The following CCDC85C variants were observed in gnomAD, a reference collection of about 807,000 sequenced individuals.
The protein encoded by CCDC85C is coiled-coil domain-containing protein 85C.
CCDC85C carries 18 observed loss-of-function variants against 38.3 expected under a neutral mutation model. The ratio of observed to expected loss-of-function variants is 0.47; its 90% CI spans 0.33 to 0.70. The LOEUF is 0.70. Among genes scored for constraint, CCDC85C ranks in the 30% least tolerant of loss-of-function variants. The pLI is 0.03. For synonymous variants in CCDC85C, 264 were observed against 293.8 expected (o/e 0.90, Z 1.04); for missense variants, 566 against 621.2 (o/e 0.91, Z 0.94).
At chr14:99,540,287 C>T (rs1472118191) in intron 1 of CCDC85C, among the ~76,000 whole-genome samples, 1 of 152,188 alleles carries the variant, frequency 6.6e-6, no homozygotes, top group East Asian at 1.9e-4. Flanking sequence ...CTCCAGGCTG[C>T]CAGGAGCCAG....
At position 99,603,977 on chromosome 14, in the gene CCDC85C, G is replaced by A; in HGVS notation, c.-18C>T. 3 of 1,309,954 alleles carry A rather than the reference G, an allele frequency of 2.3e-6. No homozygotes were observed. The highest frequency in any genetic ancestry group is 6.4e-5 in the East Asian group (2 of 31,436). The allele number at this position is 1,309,954 out of a possible 1,614,324, so 81.1% of individuals were successfully genotyped here. A position where few individuals can be genotyped will look rare whatever the true frequency, so the allele number is the denominator to read the frequency against. On this transcript the variant is annotated 5_prime_UTR_variant, in exon 1 of 6. Transcript: ENST00000380243. The surrounding 1 kb of genome is among the most constrained non-coding windows in gnomAD (Gnocchi z 7.5). ...TTAGCCATGGCGGGGCCGTCACCGC[G>A]GCATCGCCCTCGCCCTCGCCCGGCC... is the stretch of plus-strand genomic sequence containing the variant.
At chr14:99,515,912 G>A (rs2139895346) in intron 5 of CCDC85C, among the ~76,000 whole-genome samples, 1 of 152,170 alleles carries the variant, frequency 6.6e-6, no homozygotes, top group East Asian at 1.9e-4. Context: ...GGGGGTGGGG[G>A]GCTCAAGCTC....
At chr14:99,597,885 A>G (rs2055159587) in intron 1 of CCDC85C, among the ~76,000 whole-genome samples, 1 of 152,232 alleles carries the variant, frequency 6.6e-6, no homozygotes, top group South Asian at 2.1e-4. Context: ...GCCAGGAAAT[A>G]ATGAAAGGAC....
chr14:99,502,703 G>A lies in CCDC85C; in HGVS notation c.*12543C>T. 1 of 1,608,612 alleles carries A rather than the reference G, an allele frequency of 6.2e-7. No homozygotes were observed. The highest frequency in any genetic ancestry group is 1.1e-5 in the South Asian group (1 of 90,870). ...ATACCAATTTGTGTAAAATGTAATT[G>A]TTGGCTATCATTTAGACATCTGCCA... On this transcript the variant is annotated 3_prime_UTR_variant, in exon 6 of 6. Coordinates refer to ENST00000380243, the MANE Select transcript of CCDC85C (RefSeq NM_001144995.2).
intron 1 of CCDC85C, among the ~76,000 whole-genome samples, chr14:99,559,168 T>C (rs913675089): frequency 1.3e-5 from 2 of 151,914 alleles, no homozygotes; most frequent in Non-Finnish European, 2.9e-5. Flanking sequence ...AATTACCCAA[T>C]CTTAGGTATT....
intron 3 of CCDC85C, among the ~76,000 whole-genome samples, chr14:99,519,567 A>G (rs911108061): frequency 6.6e-6 from 1 of 152,166 alleles, no homozygotes; most frequent in Non-Finnish European, 1.5e-5. Context: ...TGTGCACCAG[A>G]GAGAACTGAA....
At chr14:99,546,096 C>T (rs924726990) in intron 1 of CCDC85C, among the ~76,000 whole-genome samples, 7 of 151,884 alleles carry the variant, frequency 4.6e-5, no homozygotes, top group Admixed American at 2.0e-4. Flanking sequence ...AGCCCTAGAA[C>T]GCAGGTGCCA....
intron 1 of CCDC85C, chr14:99,573,018 A>G: frequency 2.8e-6 from 1 of 357,234 alleles, no homozygotes; most frequent in Non-Finnish European, 5.5e-6. Context: ...AGGAGACGCC[A>G]CACATAAAGG....
At chr14:99,529,405 G>C (rs1385555366) in intron 2 of CCDC85C, among the ~76,000 whole-genome samples, 1 of 151,896 alleles carries the variant, frequency 6.6e-6, no homozygotes, top group Non-Finnish European at 1.5e-5. Context: ...TTTTTGTTTT[G>C]TTTTATTTTG....
At chr14:99,562,762 T>A (rs201576293) in intron 1 of CCDC85C, among the ~76,000 whole-genome samples, 2 of 30,170 alleles carry the variant, frequency 6.6e-5, no homozygotes, top group African/African-American at 5.6e-4. Context: ...TGCACACACG[T>A]GTGTACAAAT....
At chr14:99,567,383 G>T (rs879640508) in intron 1 of CCDC85C, among the ~76,000 whole-genome samples, 1 of 152,196 alleles carries the variant, frequency 6.6e-6, no homozygotes, top group Non-Finnish European at 1.5e-5. Context: ...TGAGTTGGGG[G>T]CGTGACAACC....
At chr14:99,565,000 C>T (rs1266312818) in intron 1 of CCDC85C, among the ~76,000 whole-genome samples, 1 of 152,198 alleles carries the variant, frequency 6.6e-6, no homozygotes, top group African/African-American at 2.4e-5. Context: ...CAACCGCCTT[C>T]CAAGGAGAGG....
chr14:99,591,263 G>A (rs576405010), intron 1 of CCDC85C, among the ~76,000 whole-genome samples: 41 of 152,346 alleles, frequency 2.7e-4, no homozygotes, highest in African/African-American at 8.7e-4. Flanking sequence ...GGGTTCTGCC[G>A]GGGAGACCCC....
intron 1 of CCDC85C, among the ~76,000 whole-genome samples, chr14:99,567,851 T>C (rs927082518): frequency 6.6e-6 from 1 of 152,078 alleles, no homozygotes; most frequent in Non-Finnish European, 1.5e-5. Flanking sequence ...AAAAAAGAAA[T>C]GCACATGCCT....
chr14:99,556,186 G>A (rs948537914), intron 1 of CCDC85C, among the ~76,000 whole-genome samples: 1 of 152,254 alleles, frequency 6.6e-6, no homozygotes, highest in African/African-American at 2.4e-5. Flanking sequence ...AGAAGCCATG[G>A]AGCAAGGATC....
At position 99,572,864 on chromosome 14, in the gene CCDC85C, A is replaced by G. The variant is rs1313329931; in HGVS notation, c.793+30303T>C. On this transcript the variant is annotated intron_variant, in intron 1 of 5. Coordinates refer to ENST00000380243, the MANE Select transcript of CCDC85C (RefSeq NM_001144995.2). This position sits in a 1 kb window ranked among gnomAD's most constrained non-coding sequence, Gnocchi z 4.4. ...TGCAACAGGTGCTCAGTAAACGGCT[A>G]AGGAAGGAATGTCTGCCCAAGTCCC... is the stretch of plus-strand genomic sequence containing the variant. The G allele has an allele frequency of 2.2e-6, 1 of 455,410 alleles. No homozygotes were observed. The highest frequency in any genetic ancestry group is 4.4e-6 in the Non-Finnish European group (1 of 226,406). 28.2% of individuals were successfully genotyped at this position (455,410 alleles called of 1,614,324 possible).
rs8016335 is a variant in CCDC85C, at chr14:99,525,068, T to C, written c.868-2828A>G. On this transcript the variant is annotated intron_variant, in intron 2 of 5. Coordinates refer to ENST00000380243, the MANE Select transcript of CCDC85C (RefSeq NM_001144995.2). ...CTTCTAGAGCCTCCAGAGGGCAGCA[T>C]GAGTGTCCTGGACTAGGGAGGAAGA... 9.3e-3 allele frequency among the ~76,000 whole-genome samples: 1,419 copies of C among 152,298 alleles called. 22 individuals carry two copies. Among genetic ancestry groups the C allele is most frequent in the African/African-American group, 0.033 (1,356 of 41,578 alleles).
chr14:99,603,533 C>T lies in CCDC85C; in HGVS notation c.427G>A (p.Glu143Lys). The T allele has an allele frequency of 7.2e-7, 1 of 1,380,342 alleles. No homozygotes were observed. The highest frequency in any genetic ancestry group is 3.1e-5 in the East Asian group (1 of 32,450). The allele number at this position is 1,380,342 out of a possible 1,614,324, so 85.5% of individuals were successfully genotyped here. A position where few individuals can be genotyped will look rare whatever the true frequency, so the allele number is the denominator to read the frequency against. The change falls in exon 1 of 6, where the codon GAG (glutamate) becomes AAG (lysine). Residue 143 changes from glutamate (E) to lysine (K), a missense_variant. Coordinates refer to ENST00000380243, the MANE Select transcript of CCDC85C (RefSeq NM_001144995.2). This position sits in a 1 kb window ranked among gnomAD's most constrained non-coding sequence, Gnocchi z 7.5. ...RQEALLRENL[E>K]LKELVLLLDE... is the part of the protein sequence containing the mutation. ...AGCAGCAGCACCAGCTCCTTGAGCT[C>T]CAGGTTCTCGCGCAGCAGGGCCTCC...
intron 2 of CCDC85C, among the ~76,000 whole-genome samples, chr14:99,523,597 G>A (rs542359079): frequency 1.9e-3 from 289 of 152,320 alleles, no homozygotes; most frequent in African/African-American, 6.4e-3. Context: ...ACCAGACGCC[G>A]GTCAGCCAGG....
Sources: gnomAD v4.1 joint callset for allele counts (sites outside exome capture counted in the v4.1 genomes callset) on GRCh38, gnomAD v4.1.1 for gene constraint, Gnocchi (gnomAD v3.1) non-coding constraint, MANE v1.5 for transcripts, NCBI Gene and HGNC (gene_info 2026-07-23, HGNC 2026-07-21) for gene names.